KCND3: variants seen among roughly 807,000 people sequenced by gnomAD.
KCND3 encodes potassium voltage-gated channel subfamily D member 3.
In KCND3, 9 loss-of-function variants were observed where a neutral mutation model predicts 51.1. The observed-to-expected ratio is 0.18, with a 90% CI of 0.11 to 0.31. The LOEUF (loss-of-function observed/expected upper bound fraction) is 0.31, where lower values mean the gene tolerates loss of function less well. Ranked by LOEUF, KCND3 falls within the 10% of genes least tolerant of loss-of-function variation. KCND3 has a pLI of 1.00. For missense variants in KCND3, 526 were observed against 903.8 expected, an observed-to-expected ratio of 0.58 and a Z score of 5.36; for synonymous variants, 349 against 368.0, an observed-to-expected ratio of 0.95 and a Z score of 0.59.
At chr1:111,784,103 TCACACACA>T (rs369429634) in intron 3 of KCND3, among the ~76,000 whole-genome samples, 152 of 117,562 alleles carry the variant, frequency 1.3e-3, no homozygotes, top group Middle Eastern at 4.1e-3. Context: ...CATTAACTTA[TCACACACA>T]CACACACACA....
chr1:111,887,744 C>A (rs1369749917), intron 2 of KCND3, among the ~76,000 whole-genome samples: 1 of 152,074 alleles, frequency 6.6e-6, no homozygotes, highest in Non-Finnish European at 1.5e-5. Context: ...GAAAGACCTG[C>A]GGCACTTAAA....
intron 2 of KCND3, among the ~76,000 whole-genome samples, chr1:111,971,119 G>A (rs1363723153): frequency 6.6e-6 from 1 of 152,190 alleles, no homozygotes; most frequent in Non-Finnish European, 1.5e-5. Flanking sequence ...GTACCACTCT[G>A]AAGTAGCATC....
chr1:111,852,129 G>A (rs895654228), intron 2 of KCND3, among the ~76,000 whole-genome samples: 7 of 152,228 alleles, frequency 4.6e-5, no homozygotes, highest in Non-Finnish European at 7.3e-5. Flanking sequence ...AGTCACCTGC[G>A]TTGCCCAATA....
chr1:111,878,584 T>C (rs1007460434), intron 2 of KCND3, among the ~76,000 whole-genome samples: 6 of 152,186 alleles, frequency 3.9e-5, no homozygotes, highest in African/African-American at 1.4e-4. Flanking sequence ...TTGTCAAGTG[T>C]TGGTGCTTTA....
intron 2 of KCND3, among the ~76,000 whole-genome samples, chr1:111,814,221 A>G (rs565025811): frequency 2.8e-5 from 4 of 145,414 alleles, no homozygotes; most frequent in African/African-American, 1.0e-4. Flanking sequence ...AAGGTGAAAC[A>G]CTGATCGTGG....
intron 2 of KCND3, among the ~76,000 whole-genome samples, chr1:111,834,258 G>C (rs1666977930): frequency 6.6e-6 from 1 of 152,220 alleles, no homozygotes; most frequent in Non-Finnish European, 1.5e-5. Flanking sequence ...GAATTTTCTT[G>C]TAAGGGGGAG....
intron 2 of KCND3, among the ~76,000 whole-genome samples, chr1:111,834,098 T>C (rs1666970973): frequency 6.6e-6 from 1 of 152,234 alleles, no homozygotes; most frequent in African/African-American, 2.4e-5. Flanking sequence ...CTCTGTCATT[T>C]TACAAGGGAT....
Position 111,780,452 on chromosome 1 carries a change from T to C in KCND3, c.1372-138A>G. 2.2e-6 allele frequency: 2 copies of C among 922,374 alleles called. No individual in the cohort carries two copies. Among genetic ancestry groups the C allele is most frequent in the African/African-American group, 1.6e-5 (1 of 60,634 alleles). The allele number at this position is 922,374 out of a possible 1,614,324, so 57.1% of individuals were successfully genotyped here. On this transcript the variant is annotated intron_variant, in intron 4 of 7. Transcript: ENST00000302127. The surrounding 1 kb of genome is among the most constrained non-coding windows in gnomAD (Gnocchi z 4.2). ...ATTTGACCAAATTTCAGGGTCAGCA[T>C]TGAATATGCTAACCTTTGGGCTCAG...
chr1:111,963,884 A>T (rs1673814933), intron 2 of KCND3, among the ~76,000 whole-genome samples: 1 of 152,184 alleles, frequency 6.6e-6, no homozygotes, highest in South Asian at 2.1e-4. Context: ...TTCTTTTTTG[A>T]AGGGCTTCCT....
At position 111,776,268 on chromosome 1, in the gene KCND3, G is replaced by A; in HGVS notation, c.1777C>T (p.Leu593Phe). Residue 593 changes from leucine to phenylalanine, a missense_variant, in exon 8 of 8, where the codon CTT becomes TTT. This residue lies in a region of KCND3 where 266 missense variants were observed against 305.5 expected (regional missense o/e 0.87). Transcript: ENST00000302127. Reference sequence around the variant, plus strand: ...AGTCCGTCGTCTGCTTTCAAATTAAGGCTGGAGCGACTGGGATAGAAAAGA... The same window carrying A: ...AGTCCGTCGTCTGCTTTCAAATTAAAGCTGGAGCGACTGGGATAGAAAAGA... The part of the protein sequence containing the change: ...QPSLTTSRSS[L>F]NLKADDGLRP... The A allele has an allele frequency of 1.2e-6, 2 of 1,614,030 alleles. No homozygotes were observed. Among genetic ancestry groups the A allele is most frequent in the Non-Finnish European group, 1.7e-6 (2 of 1,179,962 alleles).
chr1:111,780,693 C>T lies in KCND3; in HGVS notation c.1368G>A (p.Leu456=), dbSNP rs17215451. Residue 456 remains leucine, a synonymous_variant, in exon 4 of 8, where the codon CTG becomes CTA. Transcript: ENST00000302127. This position sits in a 1 kb window ranked among gnomAD's most constrained non-coding sequence, Gnocchi z 4.2. ...CCCAGGTCCTCTAGGCACCTACCGT[C>T]AGCTCCAGCGCCTCGTTGAGGAGCC... The part of the protein sequence containing the change: ...RNGLLNEALE[L]TGTPEEEHMG... The T allele has an allele frequency of 2.5e-6, 4 of 1,608,594 alleles. No individual in the cohort carries two copies. The Admixed American group carries it at 5.0e-5, about 20-fold the overall frequency.
intron 2 of KCND3, among the ~76,000 whole-genome samples, chr1:111,854,223 G>C (rs4839177): frequency 0.11 from 17,486 of 152,186 alleles, 1,422 homozygotes; most frequent in East Asian, 0.41. Context: ...TCTTGACCAG[G>C]GGGTAGAGAT....
At chr1:111,801,658 C>G (rs1266217850) in intron 2 of KCND3, among the ~76,000 whole-genome samples, 1 of 152,204 alleles carries the variant, frequency 6.6e-6, no homozygotes, top group Admixed American at 6.5e-5. Context: ...AGGTGTCCCC[C>G]ACTCTTCAGA....
intron 3 of KCND3, among the ~76,000 whole-genome samples, chr1:111,782,492 C>G (rs1178288820): frequency 1.3e-5 from 2 of 152,132 alleles, no homozygotes; most frequent in Admixed American, 6.5e-5. Flanking sequence ...GGGGCCAGGA[C>G]AGTTTTACTC....
chr1:111,790,234 TTTAACCTGAGCCTCTATCACTTATA>T (rs1664770975), intron 2 of KCND3, among the ~76,000 whole-genome samples: 3 of 152,180 alleles, frequency 2.0e-5, no homozygotes, highest in Admixed American at 2.0e-4. Context: ...GGGGCATTTA[TTTAACCTGAGCCTCTATCACTTATA>T]AAATGGGTTT....
At chr1:111,916,978 G>T (rs752904326) in intron 2 of KCND3, among the ~76,000 whole-genome samples, 19 of 152,002 alleles carry the variant, frequency 1.2e-4, no homozygotes, top group Non-Finnish European at 2.8e-4. Context: ...ATTTAGGGAA[G>T]AAATAATACT....
At chr1:111,886,050 G>C (rs940549612) in intron 2 of KCND3, among the ~76,000 whole-genome samples, 1 of 152,220 alleles carries the variant, frequency 6.6e-6, no homozygotes, top group East Asian at 1.9e-4. Flanking sequence ...CCTATAGTGT[G>C]GCTGAAATCA....
chr1:111,892,724 G>A (rs1571808641), intron 2 of KCND3, among the ~76,000 whole-genome samples: 1 of 152,224 alleles, frequency 6.6e-6, no homozygotes, highest in African/African-American at 2.4e-5. Flanking sequence ...CTGGTAATCA[G>A]AAAAGGTCTC....
At chr1:111,838,585 A>G (rs1553245469) in intron 2 of KCND3, among the ~76,000 whole-genome samples, 1 of 152,042 alleles carries the variant, frequency 6.6e-6, no homozygotes, top group Non-Finnish European at 1.5e-5. Flanking sequence ...TGAACCTGGG[A>G]GGCGGAGGTT....
Sources: allele counts gnomAD v4.1 joint callset (sites outside exome capture counted in the v4.1 genomes callset), GRCh38; gene constraint gnomAD v4.1.1; regional missense constraint gnomAD v4.1.1; non-coding constraint Gnocchi (gnomAD v3.1); transcripts MANE v1.5; gene names NCBI Gene and HGNC (gene_info 2026-07-23, HGNC 2026-07-21).